The following DSCAM variants were observed in gnomAD, a reference collection of about 807,000 sequenced individuals.
DSCAM encodes DS cell adhesion molecule.
A neutral mutation model predicts 217.7 loss-of-function variants in DSCAM; 47 were observed. The ratio of observed to expected loss-of-function variants is 0.22; its 90% CI spans 0.17 to 0.28. DSCAM has a LOEUF of 0.28. Among genes scored for constraint, DSCAM ranks in the 10% least tolerant of loss-of-function variants. The probability of loss-of-function intolerance (pLI) is 1.00; values close to 1 mark genes in which losing one functional copy is unlikely to be tolerated. For synonymous variants in DSCAM, 1,056 were observed against 1,015.3 expected (o/e 1.04, Z -0.76); for missense variants, 2,080 against 2,618.3 (o/e 0.79, Z 4.49).
intron 8 of DSCAM, among the ~76,000 whole-genome samples, chr21:40,324,131 A>AG (rs2074292133): frequency 9.0e-6 from 1 of 110,980 alleles, no homozygotes; most frequent in African/African-American, 4.7e-5. Flanking sequence ...AAAAAAAAAA[A>AG]GAAAAAAAAA....
intron 8 of DSCAM, among the ~76,000 whole-genome samples, chr21:40,324,563 T>C (rs2086144785): frequency 6.6e-6 from 1 of 152,178 alleles, no homozygotes; most frequent in Non-Finnish European, 1.5e-5. Context: ...ATGGAGTGTA[T>C]TGTAAAGCCA....
intron 1 of DSCAM, among the ~76,000 whole-genome samples, chr21:40,813,935 G>A (rs2091859859): frequency 2.6e-5 from 4 of 152,028 alleles, no homozygotes; most frequent in South Asian, 4.1e-4. Context: ...ATGAGCCCCT[G>A]AGCACAGCCA....
At chr21:40,489,008 G>A (rs1354924107) in intron 3 of DSCAM, among the ~76,000 whole-genome samples, 1 of 152,146 alleles carries the variant, frequency 6.6e-6, no homozygotes, top group Non-Finnish European at 1.5e-5. Context: ...TATTCTCTAG[G>A]TCTATGCTTC....
At chr21:40,163,922 A>G (rs1370077996) in intron 16 of DSCAM, among the ~76,000 whole-genome samples, 1 of 152,124 alleles carries the variant, frequency 6.6e-6, no homozygotes, top group Non-Finnish European at 1.5e-5. Flanking sequence ...GAAACACGTA[A>G]TGCTTCACAG....
At position 40,707,279 on chromosome 21, in the gene DSCAM, G is replaced by T. The variant is rs550578138; in HGVS notation, c.361+1175C>A. On this transcript the variant is annotated intron_variant, in intron 2 of 32. Transcript: ENST00000400454. ...TAAAAGTCATTCACTGTATCTCCCT[G>T]TTTGTCAGGTTTAGAGGTCCCTATA... Among the ~76,000 whole-genome samples the T allele has an allele frequency of 3.3e-5, 5 of 152,250 alleles. No individual in the cohort carries two copies. The South Asian group carries it at 1.0e-3, about 32-fold the overall frequency.
rs973819016 is a variant in DSCAM at position 40,020,269 on chromosome 21, C to A, written c.5687-6883G>T. Among the ~76,000 whole-genome samples, 52 of 152,152 alleles carry A rather than the reference C, an allele frequency of 3.4e-4. 1 individual carries two copies. The highest frequency in any genetic ancestry group is 6.5e-4 in the Admixed American group (10 of 15,270). ...CCTTCCGCCATGATTGTGAGGCTTC[C>A]CCAGCCACATGGAACTGTGAGTCCA... On this transcript the variant is annotated intron_variant, in intron 32 of 32. Coordinates refer to ENST00000400454, the MANE Select transcript of DSCAM (RefSeq NM_001389.5).
chr21:40,262,987 G>GT (rs1464938087), intron 11 of DSCAM, among the ~76,000 whole-genome samples: 1 of 152,168 alleles, frequency 6.6e-6, no homozygotes, highest in Non-Finnish European at 1.5e-5. Flanking sequence ...ATAATTAAGA[G>GT]TCCAATAGTA....
chr21:40,295,237 G>A (rs948648598), intron 10 of DSCAM, among the ~76,000 whole-genome samples: 2 of 151,934 alleles, frequency 1.3e-5, no homozygotes, highest in African/African-American at 2.4e-5. Context: ...GTACATATCT[G>A]GCCCTCAACT....
intron 4 of DSCAM, among the ~76,000 whole-genome samples, chr21:40,367,135 G>C (rs1344300762): frequency 1.3e-5 from 2 of 152,148 alleles, no homozygotes; most frequent in African/African-American, 4.8e-5. Flanking sequence ...TAATGGCCTT[G>C]TGACTCATCT....
chr21:40,542,107 CTTCA>C (rs1356294009), intron 3 of DSCAM, among the ~76,000 whole-genome samples: 2 of 152,186 alleles, frequency 1.3e-5, no homozygotes, highest in African/African-American at 4.8e-5. Flanking sequence ...TGATCCACTT[CTTCA>C]TTGAGACTAT....
At chr21:40,248,061 G>A (rs1436027402) in intron 11 of DSCAM, among the ~76,000 whole-genome samples, 2 of 152,186 alleles carry the variant, frequency 1.3e-5, no homozygotes, top group East Asian at 3.9e-4. Context: ...TTTAGTCATG[G>A]CTGGAGTGGC....
intron 20 of DSCAM, among the ~76,000 whole-genome samples, chr21:40,123,781 AGGAAGGAGGGAG>A (rs1265108924): frequency 3.3e-5 from 4 of 122,194 alleles, no homozygotes; most frequent in African/African-American, 6.1e-5. Flanking sequence ...GTGGGAGGGA[AGGAAGGAGGGAG>A]GGAAGGAGGG....
chr21:40,478,511 C>A (rs748760429), intron 3 of DSCAM, among the ~76,000 whole-genome samples: 2 of 152,140 alleles, frequency 1.3e-5, no homozygotes, highest in African/African-American at 2.4e-5. Flanking sequence ...TAAAAAGTTA[C>A]ATTGTACTAA....
intron 10 of DSCAM, among the ~76,000 whole-genome samples, chr21:40,290,527 A>G (rs1018575477): frequency 1.1e-4 from 16 of 152,326 alleles, no homozygotes; most frequent in Admixed American, 6.5e-4. Flanking sequence ...AGGCTGAGGC[A>G]GAAGAATCTC....
At chr21:40,311,960 T>TTTTTGTTAAAAA in intron 9 of DSCAM, 121 bp downstream of exon 9, 1 of 321,030 alleles carries the variant, frequency 3.1e-6, no homozygotes. Flanking sequence ...TTTTTTTTTT[T>TTTTTGTTAAAAA]AGTGAGATAA....
intron 26 of DSCAM, among the ~76,000 whole-genome samples, chr21:40,077,963 TC>T (rs1373476030): frequency 6.6e-6 from 1 of 152,218 alleles, no homozygotes; most frequent in Non-Finnish European, 1.5e-5. Flanking sequence ...TTTCTAAAGT[TC>T]CCCTACTAAG....
intron 3 of DSCAM, among the ~76,000 whole-genome samples, chr21:40,639,510 T>C (rs1332316486): frequency 6.6e-6 from 1 of 152,228 alleles, no homozygotes; most frequent in African/African-American, 2.4e-5. Context: ...GGCTAGAAAT[T>C]TGAACGATTT....
intron 1 of DSCAM, among the ~76,000 whole-genome samples, chr21:40,739,954 A>ATTTTTTTTTTTTTTTTTTTTTTTT (rs56815777): frequency 1.7e-5 from 1 of 58,930 alleles, no homozygotes; most frequent in African/African-American, 6.7e-5. Context: ...TGCAGGTGTA[A>ATTTTTTTTTTTTTTTTTTTTTTTT]TTTTTTTTTT....
At position 40,189,045 on chromosome 21, in the gene DSCAM, C is replaced by T. The variant is rs1386945998; in HGVS notation, c.2550G>A (p.Leu850=). The T allele has an allele frequency of 6.2e-7, 1 of 1,613,908 alleles. No homozygotes were observed. The highest frequency in any genetic ancestry group is 8.5e-7 in the Non-Finnish European group (1 of 1,179,946). The change falls in exon 12 of 33, where the codon CTG becomes CTA. Residue 850 remains leucine (L), a synonymous_variant. Coordinates refer to ENST00000400454, the MANE Select transcript of DSCAM (RefSeq NM_001389.5). Reference sequence around the variant, plus strand: ...GTTGTATTTGCCATGCTTTTACCTGCAGAGTAGAAATCACCTCTTCTCCCA... The same window carrying T: ...GTTGTATTTGCCATGCTTTTACCTGTAGAGTAGAAATCACCTCTTCTCCCA... ...KEVGEEVIST[L]QILPTVREDS... is the part of the protein sequence containing the mutation.
Sources: allele counts gnomAD v4.1 joint callset (sites outside exome capture counted in the v4.1 genomes callset), GRCh38; gene constraint gnomAD v4.1.1; transcripts MANE v1.5; gene names NCBI Gene and HGNC (gene_info 2026-07-23, HGNC 2026-07-21).